RNF38: variants seen among roughly 807,000 people sequenced by gnomAD.
RNF38 encodes the protein E3 ubiquitin-protein ligase RNF38.
Under a neutral mutation model 67.2 loss-of-function variants are expected in RNF38, and 15 were observed. That is an observed-to-expected ratio of 0.22 (90% CI 0.15 to 0.34). The LOEUF is 0.34. RNF38 is among the 10% of genes least tolerant of loss of function. The probability of loss-of-function intolerance (pLI) is 1.00; values close to 1 mark genes in which losing one functional copy is unlikely to be tolerated. For synonymous variants in RNF38, 220 were observed against 218.8 expected, an observed-to-expected ratio of 1.01 and a Z score of -0.05; for missense variants, 524 against 639.9, an observed-to-expected ratio of 0.82 and a Z score of 1.95.
At chr9:36,478,422 A>G (rs866250921) in intron 1 of RNF38, among the ~76,000 whole-genome samples, 2 of 150,218 alleles carry the variant, frequency 1.3e-5, no homozygotes, top group African/African-American at 2.5e-5. Context: ...AAAAAAAAAA[A>G]AGAGAGCGTT....
chr9:36,403,163 G>A (rs1345681884), upstream of RNF38, among the ~76,000 whole-genome samples: 1 of 152,186 alleles, frequency 6.6e-6, no homozygotes, highest in Non-Finnish European at 1.5e-5. Flanking sequence ...GAGCAGGCAG[G>A]CTTTTAAAGT....
chr9:36,351,439 G>A (rs1833681749), intron 8 of RNF38, among the ~76,000 whole-genome samples: 1 of 152,190 alleles, frequency 6.6e-6, no homozygotes, highest in Admixed American at 6.5e-5. Context: ...ATATCATTCA[G>A]ATGTCACTTT....
At chr9:36,372,743 A>G in intron 3 of RNF38, 2 of 462,842 alleles carry the variant, frequency 4.3e-6, no homozygotes, top group Non-Finnish European at 7.7e-6. Context: ...CAAAGAACTC[A>G]AAGCTAATTA....
intron 2 of RNF38, among the ~76,000 whole-genome samples, chr9:36,379,368 G>A (rs564725162): frequency 6.6e-6 from 1 of 152,238 alleles, no homozygotes; most frequent in African/African-American, 2.4e-5. Context: ...AAAGGGAAGG[G>A]GTAGTAACCT....
At position 36,420,532 on chromosome 9, in the gene RNF38, C is replaced by CAAAAAAAA. The variant is rs59641483; in HGVS notation, n.312+4073_312+4080dup. On this transcript the variant is annotated intron_variant and non_coding_transcript_variant, in intron 2 of 3. Transcript: ENST00000488058. ...GGGCAACAGAGCAAGACTCTGTCTC[C>CAAAAAAAA]AAAAAAAAAAAAAAAGAGGACAACC... Among the ~76,000 whole-genome samples, 74 of 73,386 alleles carry CAAAAAAAA rather than the reference C, an allele frequency of 1.0e-3. 1 individual carries two copies. The South Asian group carries it at 0.011, about 11-fold the overall frequency. The allele number at this position is 73,386 out of a possible 152,430, so 48.1% of individuals were successfully genotyped here. A position where few individuals can be genotyped will look rare whatever the true frequency, so the allele number is the denominator to read the frequency against.
intron 1 of RNF38, chr9:36,424,752 A>G: frequency 1.8e-6 from 1 of 541,178 alleles, no homozygotes; most frequent in South Asian, 8.1e-5. Flanking sequence ...TACCAATTAA[A>G]AGTGCTTTTA....
Position 36,339,104 on chromosome 9 carries a change from T to C in RNF38, c.*648A>G, listed in dbSNP as rs987795157. The C allele has an allele frequency of 1.3e-5, 2 of 152,608 alleles. No homozygotes were observed. Among genetic ancestry groups the C allele is most frequent in the African/African-American group, 2.4e-5 (1 of 41,428 alleles). The allele number at this position is 152,608 out of a possible 1,614,324, so 9.5% of individuals were successfully genotyped here. ...GGGATGGAGTATTCAATGCTTGTAA[T>C]TGATGCACCCTCAGCAATCAGTGTG... On this transcript the variant is annotated 3_prime_UTR_variant, in exon 12 of 12. Transcript: ENST00000259605.
intron 10 of RNF38, among the ~76,000 whole-genome samples, chr9:36,343,796 A>G (rs1256141184): frequency 6.6e-6 from 1 of 152,206 alleles, no homozygotes; most frequent in African/African-American, 2.4e-5. Context: ...GCTAGACACA[A>G]AAAGACCCTA....
chr9:36,342,662 C>G (rs75902742), intron 10 of RNF38, among the ~76,000 whole-genome samples: 108 of 152,170 alleles, frequency 7.1e-4, no homozygotes, highest in African/African-American at 2.5e-3. Context: ...ACCAAAGATT[C>G]TATACTATTT....
chr9:36,480,548 C>A, intron 1 of RNF38, among the ~76,000 whole-genome samples: 1 of 100,820 alleles, frequency 9.9e-6, no homozygotes, highest in Non-Finnish European at 1.9e-5. Flanking sequence ...TTTTCTTTTT[C>A]TTTTTTTTTT....
rs552448692 is a variant in RNF38, at chr9:36,369,411, G to A, written c.570+308C>T. Among the ~76,000 whole-genome samples the A allele has an allele frequency of 2.0e-5, 3 of 152,176 alleles. No homozygotes were observed. The South Asian group carries it at 6.2e-4, about 32-fold the overall frequency. On this transcript the variant is annotated intron_variant, in intron 4 of 11. Coordinates refer to ENST00000259605, the MANE Select transcript of RNF38 (RefSeq NM_022781.5). ...AATTTTCGTACTTTTAGTAGAGACG[G>A]GGTTTCACTGTGTTAGGCTTGTCTC... is the stretch of plus-strand genomic sequence containing the variant.
intron 2 of RNF38, among the ~76,000 whole-genome samples, chr9:36,377,883 T>A (rs921823688): frequency 6.6e-6 from 1 of 152,216 alleles, no homozygotes; most frequent in Admixed American, 6.5e-5. Flanking sequence ...ATTTCATTTT[T>A]TCTGACTATT....
At chr9:36,429,037 A>G (rs988064319) in intron 1 of RNF38, among the ~76,000 whole-genome samples, 15 of 152,228 alleles carry the variant, frequency 9.9e-5, no homozygotes, top group African/African-American at 3.4e-4. Context: ...CACTGGGAAC[A>G]TAGGAATAAA....
chr9:36,482,809 G>A (rs1840307203), intron 1 of RNF38, among the ~76,000 whole-genome samples: 1 of 152,198 alleles, frequency 6.6e-6, no homozygotes, highest in Admixed American at 6.5e-5. Context: ...GAAGCCCCTA[G>A]GGCAAGCACT....
chr9:36,396,184 T>A (rs1190329902), intron 1 of RNF38, among the ~76,000 whole-genome samples: 1 of 152,230 alleles, frequency 6.6e-6, no homozygotes, highest in African/African-American at 2.4e-5. Flanking sequence ...TCTTCCAAAC[T>A]GTAAGCAAAT....
At chr9:36,448,045 C>A (rs1839349301) in intron 1 of RNF38, among the ~76,000 whole-genome samples, 1 of 152,138 alleles carries the variant, frequency 6.6e-6, no homozygotes, top group South Asian at 2.1e-4. Flanking sequence ...GCCTTTAAAG[C>A]TCATCACATC....
At chr9:36,402,805 C>T (rs547440496), upstream of RNF38, among the ~76,000 whole-genome samples, 1 of 152,176 alleles carries the variant, frequency 6.6e-6, no homozygotes, top group Non-Finnish European at 1.5e-5. Flanking sequence ...CGATCTTCAA[C>T]AATGCTGTCA....
intron 2 of RNF38, among the ~76,000 whole-genome samples, chr9:36,387,846 G>C (rs1439336372): frequency 6.6e-6 from 1 of 151,596 alleles, no homozygotes; most frequent in East Asian, 1.9e-4. Context: ...AATATTACTG[G>C]AAGCACTGCC....
intron 1 of RNF38, chr9:36,487,191 C>T (rs1213726642): frequency 1.1e-5 from 7 of 665,280 alleles, no homozygotes; most frequent in Non-Finnish European, 1.1e-5. Context: ...ACAAAGCTGA[C>T]CCGGACAACG....
Sources: gnomAD v4.1 joint callset for allele counts (sites outside exome capture counted in the v4.1 genomes callset) on GRCh38, gnomAD v4.1.1 for gene constraint, MANE v1.5 for transcripts, NCBI Gene and HGNC (gene_info 2026-07-23, HGNC 2026-07-21) for gene names.